PMFBP1: variants seen among roughly 807,000 people sequenced by gnomAD.
PMFBP1 encodes polyamine-modulated factor 1-binding protein 1.
Under a neutral mutation model 137.8 loss-of-function variants are expected in PMFBP1, and 131 were observed. The ratio of observed to expected loss-of-function variants is 0.95; its 90% CI spans 0.82 to 1.10. PMFBP1 has a LOEUF of 1.10. Ranked by LOEUF, PMFBP1 falls within the 50% of genes least tolerant of loss-of-function variation. The pLI, the probability that PMFBP1 is intolerant of heterozygous loss-of-function variation, is 0.00. For synonymous variants in PMFBP1, 490 were observed against 450.4 expected (o/e 1.09, Z -1.11); for missense variants, 1,199 against 1,175.4 (o/e 1.02, Z -0.29).
intron 3 of PMFBP1, among the ~76,000 whole-genome samples, chr16:72,159,946 G>C (rs1378665725): frequency 6.6e-6 from 1 of 152,178 alleles, no homozygotes; most frequent in Non-Finnish European, 1.5e-5. Flanking sequence ...TGACCATCTG[G>C]AGTGAGATGT....
the PMFBP1 span, among the ~76,000 whole-genome samples, chr16:72,214,898 T>G: frequency 4.6e-5 from 7 of 151,966 alleles, no homozygotes; most frequent in African/African-American, 1.7e-4. Context: ...AAACTTAAGG[T>G]AAGATTAGGG....
chr16:72,166,250 C>T (rs1445689986), intron 2 of PMFBP1, among the ~76,000 whole-genome samples: 1 of 152,070 alleles, frequency 6.6e-6, no homozygotes, highest in East Asian at 1.9e-4. Flanking sequence ...TTCTCCCATG[C>T]TGTTCTTGTA....
the PMFBP1 span, among the ~76,000 whole-genome samples, chr16:72,211,001 A>G: frequency 8.5e-5 from 13 of 152,206 alleles, no homozygotes; most frequent in African/African-American, 2.9e-4. Context: ...AAGTTCTTTA[A>G]CAGTTGGTGA....
At chr16:72,204,904 T>G in the PMFBP1 span, among the ~76,000 whole-genome samples, 80 of 152,330 alleles carry the variant, frequency 5.3e-4, no homozygotes, top group African/African-American at 1.9e-3. Flanking sequence ...GGAATGGAAT[T>G]TTAAATTTTA....
the PMFBP1 span, among the ~76,000 whole-genome samples, chr16:72,196,061 G>A: frequency 6.6e-6 from 1 of 151,944 alleles, no homozygotes; most frequent in Non-Finnish European, 1.5e-5. Context: ...CAGAGAGAGA[G>A]AAGGAGCTTT....
At chr16:72,119,649 G>A (rs2042346759) in intron 20 of PMFBP1, 1 of 1,444,722 alleles carries the variant, frequency 6.9e-7, no homozygotes, top group Non-Finnish European at 9.0e-7. Context: ...ACTTGGGTAT[G>A]CTTCAGATGT....
At position 72,139,344 on chromosome 16, in the gene PMFBP1, G is replaced by A; in HGVS notation, c.863C>T (p.Thr288Ile). 1 of 1,614,128 alleles carries A rather than the reference G, an allele frequency of 6.2e-7. No homozygotes were observed. Among genetic ancestry groups the A allele is most frequent in the Non-Finnish European group, 8.5e-7 (1 of 1,180,000 alleles). Reference protein sequence around the residue: ...IKLQADFASCTATHRYPPSSS... With the variant: ...IKLQADFASCIATHRYPPSSS... ...GCTAGGAGGGTATCTGTGGGTGGCT[G>A]TACAGGAAGCAAAATCGGCTTGTAG... Residue 288 changes from threonine to isoleucine, a missense_variant, in exon 7 of 21, where the codon ACA becomes ATA. By Grantham distance (89) the Thr-to-Ile change is moderately conservative. Transcript: ENST00000237353.
At chr16:72,223,980 A>G in the PMFBP1 span, among the ~76,000 whole-genome samples, 2 of 152,182 alleles carry the variant, frequency 1.3e-5, no homozygotes, top group Non-Finnish European at 2.9e-5. Context: ...TGAATTTCAC[A>G]CCCTTTCCAG....
At position 72,126,934 on chromosome 16, in the gene PMFBP1, A is replaced by T. The variant is rs547211577; in HGVS notation, c.2089-802T>A. Among the ~76,000 whole-genome samples, 7 of 152,332 alleles carry T rather than the reference A, an allele frequency of 4.6e-5. No homozygotes were observed. The South Asian group carries it at 1.5e-3, about 32-fold the overall frequency. On this transcript the variant is annotated intron_variant, in intron 14 of 20. Transcript: ENST00000237353. ...TTTCGTGGAGTTTTTATGATGATCAAATGAGGTGATATGTGTAAAAAGGGC... is the reference window on the plus strand; with the variant it reads ...TTTCGTGGAGTTTTTATGATGATCATATGAGGTGATATGTGTAAAAAGGGC...
At position 72,129,133 on chromosome 16, in the gene PMFBP1, T is replaced by C. The variant is rs780280342; in HGVS notation, c.1883A>G (p.Glu628Gly). ...TTCTCCCTCCATCAGCTTCTCATGC[T>C]CTTTGCTCTTCTTCAACTGCTCCCG... Reference protein sequence around the residue: ...DKREQLKKSKEHEKLMEGELE... With the variant: ...DKREQLKKSKGHEKLMEGELE... Residue 628 changes from glutamate to glycine, a missense_variant, in exon 13 of 21, where the codon GAG (glutamate) becomes GGG (glycine). Coordinates refer to ENST00000237353, the MANE Select transcript of PMFBP1 (RefSeq NM_031293.3). The C allele has an allele frequency of 2.5e-6, 4 of 1,614,270 alleles. No homozygotes were observed. The highest frequency in any genetic ancestry group is 2.2e-5 in the East Asian group (1 of 44,890).
At chr16:72,132,702 A>G in intron 10 of PMFBP1, 46 bp downstream of exon 10, 1 of 1,612,622 alleles carries the variant, frequency 6.2e-7, no homozygotes, top group African/African-American at 1.3e-5. Flanking sequence ...GGGCTGCTCT[A>G]GCCCCACAGA....
chr16:72,138,639 C>T (rs1477558023), intron 7 of PMFBP1, among the ~76,000 whole-genome samples: 1 of 152,116 alleles, frequency 6.6e-6, no homozygotes, highest in Non-Finnish European at 1.5e-5. Context: ...CCTCAGCCTC[C>T]TTAGTAGCTG....
chr16:72,181,679 T>C (rs1287430213), upstream of PMFBP1, among the ~76,000 whole-genome samples: 1 of 152,260 alleles, frequency 6.6e-6, no homozygotes, highest in Non-Finnish European at 1.5e-5. Context: ...CCTTAATGAA[T>C]TGATCATATT....
At chr16:72,210,895 A>C in the PMFBP1 span, among the ~76,000 whole-genome samples, 1 of 152,140 alleles carries the variant, frequency 6.6e-6, no homozygotes. Flanking sequence ...AAAATGATCC[A>C]GTAGCCGACT....
chr16:72,120,314 C>G (rs1334065080), intron 19 of PMFBP1, among the ~76,000 whole-genome samples: 1 of 152,168 alleles, frequency 6.6e-6, no homozygotes, highest in Non-Finnish European at 1.5e-5. Flanking sequence ...TACTCCTGCC[C>G]AACTCTGCCA....
At chr16:72,123,073 T>C in intron 18 of PMFBP1, 85 bp from the exon 19 acceptor site, 1 of 1,247,628 alleles carries the variant, frequency 8.0e-7, no homozygotes, top group Non-Finnish European at 1.1e-6. Flanking sequence ...GGATGCTGGG[T>C]TCTCAGCAAG....
chr16:72,210,523 G>C, the PMFBP1 span, among the ~76,000 whole-genome samples: 45 of 152,302 alleles, frequency 3.0e-4, no homozygotes, highest in African/African-American at 1.1e-3. Context: ...GTCCTGCTGG[G>C]GGACACCTCA....
Position 72,124,930 on chromosome 16 carries a change from T to G in PMFBP1, c.2426A>C (p.His809Pro), listed in dbSNP as rs2042431280. Residue 809 changes from histidine to proline, a missense_variant, in exon 17 of 21, where the codon CAC becomes CCC. Physicochemically the swap from His to Pro is moderately conservative, Grantham distance 77 (BLOSUM62 -2). Transcript: ENST00000237353. Reference protein sequence around the residue: ...GFHQESELEVHAFDKKLEEMS... With the variant: ...GFHQESELEVPAFDKKLEEMS... ...CTCCTCTAGCTTCTTGTCAAAGGCGTGCACCTACTCAGGAGAGCAAAGTGA... is the reference window on the plus strand; with the variant it reads ...CTCCTCTAGCTTCTTGTCAAAGGCGGGCACCTACTCAGGAGAGCAAAGTGA... 3 of 1,613,788 alleles carry G rather than the reference T, an allele frequency of 1.9e-6. No homozygotes were observed. Among genetic ancestry groups the G allele is most frequent in the Non-Finnish European group, 1.7e-6 (2 of 1,179,862 alleles).
the PMFBP1 span, among the ~76,000 whole-genome samples, chr16:72,202,667 T>C: frequency 6.6e-6 from 1 of 152,366 alleles, no homozygotes; most frequent in South Asian, 2.1e-4. Flanking sequence ...TTCCCCAAAC[T>C]GCACTAGCTC....
Sources: allele counts gnomAD v4.1 joint callset (sites outside exome capture counted in the v4.1 genomes callset), GRCh38; gene constraint gnomAD v4.1.1; transcripts MANE v1.5; gene names NCBI Gene and HGNC (gene_info 2026-07-23, HGNC 2026-07-21).